The following DPF3 variants were observed in gnomAD, a reference collection of about 807,000 sequenced individuals.
The protein encoded by DPF3 is zinc finger protein DPF3.
Under a neutral mutation model 56.8 loss-of-function variants are expected in DPF3, and 18 were observed. The ratio of observed to expected loss-of-function variants is 0.32; its 90% CI spans 0.22 to 0.47. DPF3 has a LOEUF of 0.47. Ranked by LOEUF, DPF3 falls within the 20% of genes least tolerant of loss-of-function variation. The pLI, the probability that DPF3 is intolerant of heterozygous loss-of-function variation, is 1.00. For synonymous variants in DPF3, 188 were observed against 180.2 expected (o/e 1.04, Z -0.35); for missense variants, 403 against 488.8 (o/e 0.82, Z 1.65).
chr14:72,698,710 C>T (rs1888018158), intron 6 of DPF3, among the ~76,000 whole-genome samples: 1 of 152,146 alleles, frequency 6.6e-6, no homozygotes, highest in Admixed American at 6.6e-5. Flanking sequence ...GGCTAGGCTA[C>T]ACTATGGTTT....
rs556294276 is a variant in DPF3 at position 72,643,552 on chromosome 14, G to A, written c.872-13816C>T. Among the ~76,000 whole-genome samples the A allele has an allele frequency of 7.9e-5, 12 of 152,314 alleles. No homozygotes were observed. The South Asian group carries it at 1.5e-3, about 18-fold the overall frequency. On this transcript the variant is annotated intron_variant, in intron 8 of 10. Coordinates refer to ENST00000556509, the MANE Select transcript of DPF3 (RefSeq NM_001280542.3). ...GCCTATGGTGGTGTTACTGGGCTTC[G>A]GCTCCTGACAGAAGCTCCTCAGCCC...
intron 3 of DPF3, among the ~76,000 whole-genome samples, chr14:72,746,830 A>G (rs551911208): frequency 6.6e-6 from 1 of 152,328 alleles, no homozygotes; most frequent in East Asian, 1.9e-4. Context: ...CAGATACAAG[A>G]CGCCATGTGC....
intron 1 of DPF3, among the ~76,000 whole-genome samples, chr14:72,885,567 CT>C (rs897950541): frequency 6.1e-5 from 9 of 148,264 alleles, no homozygotes; most frequent in South Asian, 2.1e-4. Flanking sequence ...CCACACCCGG[CT>C]TTTTTTTTTA....
At chr14:72,696,439 T>C (rs1288127422) in intron 6 of DPF3, among the ~76,000 whole-genome samples, 1 of 152,232 alleles carries the variant, frequency 6.6e-6, no homozygotes, top group African/African-American at 2.4e-5. Flanking sequence ...GTCTGCACTA[T>C]GTCTCTTAAG....
Position 72,611,935 on chromosome 14 carries a change from G to T in DPF3, c.*7362C>A, listed in dbSNP as rs1410767621. Among the ~76,000 whole-genome samples, 1 of 152,168 alleles carries T rather than the reference G, an allele frequency of 6.6e-6. No homozygotes were observed. Among genetic ancestry groups the T allele is most frequent in the Non-Finnish European group, 1.5e-5 (1 of 68,044 alleles). On this transcript the variant is annotated 3_prime_UTR_variant, in exon 11 of 11. Transcript: ENST00000556509. ...CGATACTTGACCTACAATCACGATT[G>T]CTTGGCAGAGCTTAATTTCATGGCT...
intron 1 of DPF3, among the ~76,000 whole-genome samples, chr14:72,893,373 A>G (rs1886852790): frequency 6.6e-6 from 1 of 151,928 alleles, no homozygotes; most frequent in South Asian, 2.1e-4. Flanking sequence ...GAGCAGACAC[A>G]CGCTCGATCG....
Position 72,780,088 on chromosome 14 carries a change from G to A in DPF3, c.33-8195C>T, listed in dbSNP as rs965355257. On this transcript the variant is annotated intron_variant, in intron 1 of 10. Transcript: ENST00000556509. ...ATGATGAGTGAATGAGTGAATGAAT[G>A]AATCCTCCTCTGACCCCCCTGCATA... is the stretch of plus-strand genomic sequence containing the variant. Among the ~76,000 whole-genome samples, 6 of 152,338 alleles carry A rather than the reference G, an allele frequency of 3.9e-5. No individual in the cohort carries two copies. The South Asian group carries it at 8.3e-4, about 21-fold the overall frequency.
intron 4 of DPF3, among the ~76,000 whole-genome samples, chr14:72,725,995 A>G (rs1475774979): frequency 1.3e-5 from 2 of 152,212 alleles, no homozygotes; most frequent in Non-Finnish European, 2.9e-5. Flanking sequence ...GAGAAGAAGC[A>G]TTGTCTGCTG....
intron 3 of DPF3, among the ~76,000 whole-genome samples, chr14:72,750,324 T>C (rs1336441119): frequency 6.6e-6 from 1 of 152,212 alleles, no homozygotes; most frequent in Non-Finnish European, 1.5e-5. Context: ...GTTAGTGATA[T>C]CTAAGGTATC....
intron 3 of DPF3, among the ~76,000 whole-genome samples, chr14:72,751,279 T>C (rs1890562000): frequency 1.3e-5 from 2 of 152,250 alleles, no homozygotes; most frequent in African/African-American, 4.8e-5. Flanking sequence ...AAGTTTTTAA[T>C]TTAAAAATTA....
intron 1 of DPF3, among the ~76,000 whole-genome samples, chr14:72,784,722 G>A (rs1027444462): frequency 2.6e-5 from 4 of 152,158 alleles, no homozygotes; most frequent in Admixed American, 2.0e-4. Flanking sequence ...ACTTTGGGAG[G>A]CCAAGGTGGG....
At chr14:72,723,935 C>G in intron 4 of DPF3, 1 of 499,510 alleles carries the variant, frequency 2.0e-6, no homozygotes, top group Non-Finnish European at 3.4e-6. Context: ...CCTTGGGCCC[C>G]TTCCAGACAA....
chr14:72,728,617 G>A (rs957017026), intron 4 of DPF3, among the ~76,000 whole-genome samples: 2 of 152,102 alleles, frequency 1.3e-5, no homozygotes, highest in Admixed American at 6.5e-5. Context: ...TGTCAGAGAC[G>A]GGAAGAACTG....
At chr14:72,853,939 A>T (rs1885082356) in intron 1 of DPF3, among the ~76,000 whole-genome samples, 1 of 152,206 alleles carries the variant, frequency 6.6e-6, no homozygotes, top group Admixed American at 6.5e-5. Flanking sequence ...AACCTCCAAG[A>T]TCTGGGAAAC....
chr14:72,630,511 C>T (rs528723118), intron 8 of DPF3, among the ~76,000 whole-genome samples: 8 of 152,156 alleles, frequency 5.3e-5, no homozygotes, highest in Non-Finnish European at 8.8e-5. Flanking sequence ...GCACAGCCCC[C>T]GTGAGCCATG....
chr14:72,629,405 T>C (rs1401027093), intron 9 of DPF3, among the ~76,000 whole-genome samples: 1 of 152,250 alleles, frequency 6.6e-6, no homozygotes. Context: ...GATCATATAC[T>C]GTGGAATGTG....
intron 9 of DPF3, among the ~76,000 whole-genome samples, chr14:72,624,123 A>T (rs1303166710): frequency 6.6e-6 from 1 of 152,140 alleles, no homozygotes; most frequent in African/African-American, 2.4e-5. Flanking sequence ...GAGAAACATC[A>T]CACTATATTT....
At chr14:72,703,548 T>C (rs2153574401) in intron 6 of DPF3, among the ~76,000 whole-genome samples, 1 of 152,276 alleles carries the variant, frequency 6.6e-6, no homozygotes, top group Non-Finnish European at 1.5e-5. Context: ...CTCCATGTGT[T>C]ATGGGAATGT....
In DPF3 at chr14:72,765,303, A is replaced by G. The variant is rs550169266; in HGVS notation, c.193+6430T>C. 2.6e-5 allele frequency among the ~76,000 whole-genome samples: 4 copies of G among 152,360 alleles called. No homozygotes were observed. The East Asian group carries it at 5.8e-4, about 22-fold the overall frequency. ...GGAACTCTCATATATTGCTGGAGTC[A>G]ATGTAAAATGGTACAACCACTTTGG... On this transcript the variant is annotated intron_variant, in intron 2 of 10. Transcript: ENST00000556509.
Sources: allele counts gnomAD v4.1 joint callset (sites outside exome capture counted in the v4.1 genomes callset), GRCh38; gene constraint gnomAD v4.1.1; transcripts MANE v1.5; gene names NCBI Gene and HGNC (gene_info 2026-07-23, HGNC 2026-07-21).